TPTE2: variants seen among roughly 807,000 people sequenced by gnomAD.
TPTE2 encodes transmembrane phosphoinositide 3-phosphatase and tensin homolog 2.
In TPTE2, 53 loss-of-function variants were observed where a neutral mutation model predicts 78.6. That is an observed-to-expected ratio of 0.67 (90% CI 0.54 to 0.85). TPTE2 has a LOEUF of 0.85. Among genes scored for constraint, TPTE2 ranks in the 40% least tolerant of loss-of-function variants. The pLI is 0.00. For synonymous variants in TPTE2, 175 were observed against 206.2 expected (o/e 0.85, Z 1.30); for missense variants, 461 against 623.0 (o/e 0.74, Z 2.77).
intron 1 of TPTE2, among the ~76,000 whole-genome samples, chr13:19,528,978 G>C (rs1446223828): frequency 6.6e-6 from 1 of 152,106 alleles, no homozygotes. Context: ...AATTAGCCAG[G>C]TGTGGTGGCA....
At chr13:19,527,839 T>C (rs1291778593) in intron 1 of TPTE2, among the ~76,000 whole-genome samples, 1 of 152,216 alleles carries the variant, frequency 6.6e-6, no homozygotes, top group South Asian at 2.1e-4. Flanking sequence ...GAGCAGGTCC[T>C]AGAAGGACTT....
At chr13:19,553,451 A>G in the TPTE2 span, among the ~76,000 whole-genome samples, 70 of 152,254 alleles carry the variant, frequency 4.6e-4, no homozygotes, top group Non-Finnish European at 9.6e-4. Flanking sequence ...ATATTCACCC[A>G]AGAGATAATA....
chr13:19,492,760 A>G, intron 3 of TPTE2, 90 bp downstream of exon 6: 3 of 1,548,844 alleles, frequency 1.9e-6, no homozygotes, highest in South Asian at 2.3e-5. Flanking sequence ...ATGGATGAAG[A>G]TGGATGGATA....
chr13:19,546,483 CTTTTTTTTT>C, the TPTE2 span, among the ~76,000 whole-genome samples: 1 of 85,042 alleles, frequency 1.2e-5, no homozygotes, highest in South Asian at 5.1e-4. Flanking sequence ...TTTTCTTTTT[CTTTTTTTTT>C]TTTTTTTTTT....
At chr13:19,493,643 G>A in intron 1 of TPTE2, 142 bp from the exon 5 acceptor site, 1 of 792,386 alleles carries the variant, frequency 1.3e-6, no homozygotes, top group Non-Finnish European at 2.2e-6. Flanking sequence ...AACCTGGAAT[G>A]TCTATTTTTC....
chr13:19,462,497 T>C (rs1160677015), intron 10 of TPTE2, among the ~76,000 whole-genome samples: 2 of 152,008 alleles, frequency 1.3e-5, no homozygotes, highest in South Asian at 2.1e-4. Flanking sequence ...GTTTCTCTTA[T>C]ATGTGACTTG....
chr13:19,448,048 T>A (rs974302542), intron 13 of TPTE2, among the ~76,000 whole-genome samples: 25 of 152,144 alleles, frequency 1.6e-4, no homozygotes, highest in African/African-American at 6.0e-4. Flanking sequence ...TCAGCTGATG[T>A]TCAACAAAGG....
chr13:19,443,797 A>C, intron 13 of TPTE2, among the ~76,000 whole-genome samples: 1 of 151,736 alleles, frequency 6.6e-6, no homozygotes, highest in Non-Finnish European at 1.5e-5. Context: ...AAGCAATTGG[A>C]GAGATGTTGA....
rs948185421 is a variant in TPTE2 at position 19,535,475 on chromosome 13, T to C, written c.-44+1121A>G. Among the ~76,000 whole-genome samples the C allele has an allele frequency of 4.0e-5, 6 of 151,810 alleles. No homozygotes were observed. The highest frequency in any genetic ancestry group is 5.9e-5 in the Non-Finnish European group (4 of 67,960). ...CACCAATGGTCATCCCCTAAGAGGG[T>C]AAATGCACCTGCCTTTTCTAAAAAC... On this transcript the variant is annotated intron_variant, in intron 1 of 17. Coordinates refer to the TPTE2 transcript ENST00000390680. The surrounding 1 kb of genome is among the most constrained non-coding windows in gnomAD (Gnocchi z 5.1).
chr13:19,555,727 T>C, the TPTE2 span, among the ~76,000 whole-genome samples: 1 of 150,256 alleles, frequency 6.7e-6, no homozygotes, highest in Non-Finnish European at 1.5e-5. Flanking sequence ...GTAAGCTGCC[T>C]CCTTCAAGAA....
intron 1 of TPTE2, among the ~76,000 whole-genome samples, chr13:19,528,912 G>A (rs1870692267): frequency 6.6e-6 from 1 of 152,004 alleles, no homozygotes; most frequent in East Asian, 1.9e-4. Context: ...CTGAGGTCAG[G>A]AGTTCAAGAC....
chr13:19,476,962 A>C (rs1012982822), intron 4 of TPTE2, among the ~76,000 whole-genome samples: 5 of 152,226 alleles, frequency 3.3e-5, no homozygotes, highest in African/African-American at 1.2e-4. Context: ...GAATCAACCT[A>C]GGTACCCATC....
the TPTE2 span, among the ~76,000 whole-genome samples, chr13:19,543,753 C>T: frequency 1.3e-5 from 2 of 151,904 alleles, no homozygotes; most frequent in African/African-American, 2.4e-5. Context: ...TTGTGAAAAA[C>T]GTTCAGGCAG....
chr13:19,471,649 T>C (rs1879620913), intron 6 of TPTE2, among the ~76,000 whole-genome samples: 1 of 152,214 alleles, frequency 6.6e-6, no homozygotes, highest in South Asian at 2.1e-4. Flanking sequence ...AAAGTTGTAG[T>C]TAATATTTTT....
the TPTE2 span, chr13:19,561,303 C>A: frequency 4.5e-6 from 4 of 882,718 alleles, no homozygotes; most frequent in East Asian, 8.4e-5. Flanking sequence ...CCCAGCATGC[C>A]GATCCCAGGC....
intron 14 of TPTE2, 109 bp downstream of exon 17, chr13:19,437,983 T>G: frequency 6.9e-7 from 1 of 1,456,800 alleles, no homozygotes; most frequent in Non-Finnish European, 9.2e-7. Context: ...TAATTACAAT[T>G]TTACTAAGCA....
intron 1 of TPTE2, among the ~76,000 whole-genome samples, chr13:19,511,621 C>G (rs1330072093): frequency 1.3e-5 from 2 of 152,112 alleles, no homozygotes; most frequent in Non-Finnish European, 2.9e-5. Flanking sequence ...TGGGGAAATG[C>G]TCAAAAAGTG....
intron 4 of TPTE2, among the ~76,000 whole-genome samples, chr13:19,477,296 T>C (rs1566057315): frequency 7.1e-6 from 1 of 141,492 alleles, no homozygotes; most frequent in Non-Finnish European, 1.5e-5. Context: ...AATAATATGT[T>C]AAAAAAAAAA....
At chr13:19,496,067 C>T (rs977474301) in intron 1 of TPTE2, among the ~76,000 whole-genome samples, 1 of 152,126 alleles carries the variant, frequency 6.6e-6, no homozygotes, top group African/African-American at 2.4e-5. Flanking sequence ...GGGGTTTCAC[C>T]ATGTTGGCCA....
Sources: allele counts gnomAD v4.1 joint callset (sites outside exome capture counted in the v4.1 genomes callset), GRCh38; gene constraint gnomAD v4.1.1; non-coding constraint Gnocchi (gnomAD v3.1); transcripts MANE v1.5; gene names NCBI Gene and HGNC (gene_info 2026-07-23, HGNC 2026-07-21).